ANTXR2: variants seen among roughly 807,000 people sequenced by gnomAD.
ANTXR2 encodes the protein ANTXR cell adhesion molecule 2.
A neutral mutation model predicts 73.7 loss-of-function variants in ANTXR2; 44 were observed. The ratio of observed to expected loss-of-function variants is 0.60; its 90% CI spans 0.47 to 0.77. ANTXR2 has a LOEUF of 0.77. ANTXR2 is among the 30% of genes least tolerant of loss of function. The pLI is 0.00. For synonymous variants in ANTXR2, 217 were observed against 205.9 expected (o/e 1.05, Z -0.46); for missense variants, 604 against 592.5 (o/e 1.02, Z -0.20).
At chr4:80,048,391 G>C (rs1360143425) in intron 7 of ANTXR2, among the ~76,000 whole-genome samples, 1 of 151,486 alleles carries the variant, frequency 6.6e-6, no homozygotes, top group African/African-American at 2.4e-5. Flanking sequence ...CTTGGACAAA[G>C]AGAAGCCTAG....
At chr4:79,992,892 T>C (rs932675619) in intron 12 of ANTXR2, among the ~76,000 whole-genome samples, 1 of 152,058 alleles carries the variant, frequency 6.6e-6, no homozygotes, top group Non-Finnish European at 1.5e-5. Context: ...TCACTTCAAA[T>C]GACTTTACCA....
intron 12 of ANTXR2, among the ~76,000 whole-genome samples, chr4:80,003,878 A>T (rs1731175693): frequency 6.6e-6 from 1 of 152,120 alleles, no homozygotes; most frequent in African/African-American, 2.4e-5. Flanking sequence ...TAGATATACA[A>T]CTACTTTATA....
At chr4:80,004,339 T>A (rs2110050220) in intron 12 of ANTXR2, among the ~76,000 whole-genome samples, 1 of 152,158 alleles carries the variant, frequency 6.6e-6, no homozygotes, top group South Asian at 2.1e-4. Context: ...ATTCAGGAGA[T>A]AATATAGGTT....
intron 12 of ANTXR2, among the ~76,000 whole-genome samples, chr4:80,007,742 G>A (rs555012859): frequency 6.6e-6 from 1 of 152,294 alleles, no homozygotes; most frequent in East Asian, 1.9e-4. Context: ...CAAAGAATCT[G>A]AGTAGCCTTT....
In ANTXR2 at chr4:79,972,920, TAAA is replaced by T. The variant is rs746252575; in HGVS notation, c.1428+4698_1428+4700del. ...ATGTACCCTAAAACTTAGAGTATAATAAAAAAAAAAAAAAAAAAAGAATAGGGC... is the reference window on the plus strand; with the variant it reads ...ATGTACCCTAAAACTTAGAGTATAATAAAAAAAAAAAAAAAAGAATAGGGC... On this transcript the variant is annotated intron_variant, in intron 16 of 16. Coordinates refer to ENST00000403729, the MANE Select transcript of ANTXR2 (RefSeq NM_058172.6). Among the ~76,000 whole-genome samples the T allele has an allele frequency of 7.5e-5, 4 of 53,158 alleles. 1 individual carries two copies. The highest frequency in any genetic ancestry group is 3.0e-4 in the African/African-American group (2 of 6,704). The allele number at this position is 53,158 out of a possible 152,430, so 34.9% of individuals were successfully genotyped here.
chr4:80,021,796 C>T (rs370049566), intron 10 of ANTXR2, among the ~76,000 whole-genome samples: 6 of 151,950 alleles, frequency 3.9e-5, no homozygotes, highest in East Asian at 1.9e-4. Flanking sequence ...GTTAATTCTC[C>T]GCAGATATAG....
At chr4:80,055,544 G>C (rs938056781) in intron 4 of ANTXR2, 77 bp from the exon 5 acceptor site, 1 of 1,232,318 alleles carries the variant, frequency 8.1e-7, no homozygotes, top group African/African-American at 1.5e-5. Context: ...AGCTGAATTT[G>C]TAAGTCTGAC....
chr4:80,070,637 A>G (rs934821443), intron 2 of ANTXR2, among the ~76,000 whole-genome samples: 1 of 152,220 alleles, frequency 6.6e-6, no homozygotes, highest in African/African-American at 2.4e-5. Context: ...ACATTTTTAT[A>G]GGGATAACTT....
chr4:80,063,018 T>C (rs1734334508), intron 3 of ANTXR2, among the ~76,000 whole-genome samples: 1 of 152,044 alleles, frequency 6.6e-6, no homozygotes, highest in South Asian at 2.1e-4. Context: ...AATGAAAAAC[T>C]ATAAATGAGA....
At chr4:79,934,259 G>T (rs1348075943) in intron 16 of ANTXR2, among the ~76,000 whole-genome samples, 1 of 152,110 alleles carries the variant, frequency 6.6e-6, no homozygotes, top group Non-Finnish European at 1.5e-5. Flanking sequence ...GTGTGCAGTG[G>T]CTTATGCCTA....
intron 16 of ANTXR2, among the ~76,000 whole-genome samples, chr4:79,910,812 C>A (rs1178939867): frequency 6.6e-6 from 1 of 151,668 alleles, no homozygotes; most frequent in East Asian, 1.9e-4. Flanking sequence ...GAAGAAAATA[C>A]GGAGAAAATA....
intron 12 of ANTXR2, among the ~76,000 whole-genome samples, chr4:79,994,184 A>G (rs1730617034): frequency 6.6e-6 from 1 of 151,996 alleles, no homozygotes; most frequent in African/African-American, 2.4e-5. Context: ...GTTAAATTAG[A>G]CATCTAACTT....
intron 13 of ANTXR2, 148 bp downstream of exon 13, chr4:79,984,671 A>T: frequency 2.6e-6 from 2 of 755,322 alleles, no homozygotes; most frequent in South Asian, 1.6e-5. Context: ...TCATAAGAGG[A>T]TGAAAAATAA....
At chr4:80,021,618 TTAAAAAAA>T (rs1419177705) in intron 10 of ANTXR2, among the ~76,000 whole-genome samples, 3 of 151,902 alleles carry the variant, frequency 2.0e-5, no homozygotes, top group Admixed American at 2.0e-4. Flanking sequence ...CTTTTAATGC[TTAAAAAAA>T]TGAAATGAGA....
At chr4:80,026,873 C>T (rs1202862011) in intron 10 of ANTXR2, among the ~76,000 whole-genome samples, 1 of 151,984 alleles carries the variant, frequency 6.6e-6, no homozygotes. Flanking sequence ...TCCAGGTGTT[C>T]ATGTGTTAAA....
rs377006532 is a variant in ANTXR2, at chr4:79,915,862, C to CTCTCTA, written c.1429-8396_1429-8395insTAGAGA. On this transcript the variant is annotated intron_variant, in intron 16 of 16. Coordinates refer to ENST00000403729, the MANE Select transcript of ANTXR2 (RefSeq NM_058172.6). ...TCTCTCTCTCTCTCTCTCTCTCTCT[C>CTCTCTA]TATATATATATATATACATAAAGAA... Among the ~76,000 whole-genome samples the CTCTCTA allele has an allele frequency of 2.7e-3, 331 of 123,868 alleles. 3 individuals are homozygous for CTCTCTA. The highest frequency in any genetic ancestry group is 5.3e-3 in the East Asian group (23 of 4,378). 81.3% of individuals were successfully genotyped at this position (123,868 alleles called of 152,430 possible). A position where few individuals can be genotyped will look rare whatever the true frequency, so the allele number is the denominator to read the frequency against.
chr4:80,031,558 T>C, intron 10 of ANTXR2, 65 bp downstream of exon 10: 1 of 1,207,948 alleles, frequency 8.3e-7, no homozygotes, highest in Non-Finnish European at 1.1e-6. Flanking sequence ...CCAATGTATA[T>C]GTCACCATTT....
At chr4:80,066,098 C>T (rs1026632665) in intron 3 of ANTXR2, among the ~76,000 whole-genome samples, 2 of 151,920 alleles carry the variant, frequency 1.3e-5, no homozygotes, top group Non-Finnish European at 2.9e-5. Context: ...ATATAGAGGA[C>T]CACAGAAACT....
intron 7 of ANTXR2, among the ~76,000 whole-genome samples, chr4:80,045,464 AC>A (rs1247818262): frequency 1.3e-5 from 2 of 151,752 alleles, no homozygotes; most frequent in African/African-American, 4.8e-5. Context: ...ACCGATCATC[AC>A]AAATAATTTA....
Sources: allele counts gnomAD v4.1 joint callset (sites outside exome capture counted in the v4.1 genomes callset), GRCh38; gene constraint gnomAD v4.1.1; transcripts MANE v1.5; gene names NCBI Gene and HGNC (gene_info 2026-07-23, HGNC 2026-07-21).